Variants in ELP1 observed in about 807,000 individuals in gnomAD.
ELP1 encodes elongator complex protein 1.
A neutral mutation model predicts 183.2 loss-of-function variants in ELP1; 131 were observed. That is an observed-to-expected ratio of 0.72 (90% confidence interval 0.62 to 0.83). The LOEUF (loss-of-function observed/expected upper bound fraction) is 0.83, where lower values mean the gene tolerates loss of function less well. ELP1 is among the 40% of genes least tolerant of loss of function. ELP1 has a pLI of 0.00. For synonymous variants in ELP1, 555 were observed against 569.0 expected, an observed-to-expected ratio of 0.98 and a Z score of 0.35; for missense variants, 1,550 against 1,594.9, an observed-to-expected ratio of 0.97 and a Z score of 0.48.
chr9:108,917,051 G>A (rs538084806), intron 9 of ELP1, among the ~76,000 whole-genome samples: 5 of 152,236 alleles, frequency 3.3e-5, no homozygotes, highest in Admixed American at 6.5e-5. Context: ...GGGGACAAAT[G>A]CTATTATTTG....
intron 28 of ELP1, 88 bp downstream of exon 28, chr9:108,891,115 C>T: frequency 1.6e-6 from 2 of 1,238,566 alleles, no homozygotes; most frequent in Non-Finnish European, 2.4e-6. Flanking sequence ...GAGTATTCTG[C>T]CCTAAATTTA....
chr9:108,906,167 C>T (rs1377512827), intron 14 of ELP1, 136 bp downstream of exon 14: 2 of 804,730 alleles, frequency 2.5e-6, no homozygotes, highest in Admixed American at 2.1e-5. Context: ...ACTTAACCTT[C>T]TTGTTAAGTG....
At position 108,927,377 on chromosome 9, in the gene ELP1, G is replaced by A; in HGVS notation, c.380C>T (p.Ala127Val). The change falls in exon 4 of 37, where the codon GCC (alanine) becomes GTC (valine). Residue 127 changes from alanine to valine, a missense_variant. Ala to Val is a moderately conservative substitution (Grantham distance 64). Transcript: ENST00000374647. ...GGCACCAGTAACAAGCTTACCTGTGGCAAGAAGCACCAGCTCTTGGTCAGG... is the reference window on the plus strand; with the variant it reads ...GGCACCAGTAACAAGCTTACCTGTGACAAGAAGCACCAGCTCTTGGTCAGG... The part of the protein sequence containing the change: ...WSPDQELVLL[A>V]TGQQTLIMMT... 6.2e-7 allele frequency: 1 copy of A among 1,612,522 alleles called. No individual in the cohort carries two copies. Among genetic ancestry groups the A allele is most frequent in the Non-Finnish European group, 8.5e-7 (1 of 1,178,604 alleles).
chr9:108,891,999 C>G (rs1353351361), intron 27 of ELP1, among the ~76,000 whole-genome samples: 2 of 152,064 alleles, frequency 1.3e-5, no homozygotes, highest in Admixed American at 1.3e-4. Flanking sequence ...AAAACAAGGG[C>G]AAAGAGGTAG....
rs1247446952 is a variant in ELP1, at chr9:108,917,616, A to G, written c.795T>C (p.Ile265=). 4.3e-6 allele frequency: 7 copies of G among 1,613,982 alleles called. No individual in the cohort carries two copies. The African/African-American group carries it at 5.3e-5, about 12-fold the overall frequency. ...STQDKPNQQD[I]VFFEKNGLLH... Reference sequence around the variant, plus strand: ...GGAGTCCATTTTTCTCAAAAAACACAATATCCTGCTGGTTGGGTTTATCTT... The same window carrying G: ...GGAGTCCATTTTTCTCAAAAAACACGATATCCTGCTGGTTGGGTTTATCTT... Residue 265 remains isoleucine (I), a synonymous_variant, in exon 9 of 37, where the codon ATT becomes ATC. Transcript: ENST00000374647.
chr9:108,901,593 T>A (rs1242422502), intron 17 of ELP1, 35 bp downstream of exon 17: 1 of 1,613,200 alleles, frequency 6.2e-7, no homozygotes, highest in Non-Finnish European at 8.5e-7. Flanking sequence ...GCTAACACTG[T>A]GAAAAGGATC....
rs751137747 is a variant in ELP1 at position 108,930,582 on chromosome 9, C to T, written c.150+415G>A. Among the ~76,000 whole-genome samples the T allele has an allele frequency of 7.3e-5, 11 of 149,662 alleles. No homozygotes were observed. The East Asian group carries it at 1.4e-3, about 19-fold the overall frequency. On this transcript the variant is annotated intron_variant, in intron 2 of 36. Coordinates refer to ENST00000374647, the MANE Select transcript of ELP1 (RefSeq NM_003640.5). ...GCGGGCGCCTGTAGTCCCAGCTTCT[C>T]GGGAGGCTGAGGCAGGAGAATGGTG...
At chr9:108,923,040 C>T in intron 5 of ELP1, 113 bp from the exon 6 acceptor site, 2 of 812,036 alleles carry the variant, frequency 2.5e-6, no homozygotes, top group Non-Finnish European at 4.3e-6. Flanking sequence ...CCTCTAACGC[C>T]TCTCAATAAA....
At chr9:108,874,446 C>T (rs1827617170) in intron 36 of ELP1, among the ~76,000 whole-genome samples, 1 of 152,162 alleles carries the variant, frequency 6.6e-6, no homozygotes, top group African/African-American at 2.4e-5. Context: ...GATTTGCCTT[C>T]AAATTATATT....
At chr9:108,920,052 C>G (rs1017391927) in intron 6 of ELP1, among the ~76,000 whole-genome samples, 7 of 152,198 alleles carry the variant, frequency 4.6e-5, no homozygotes, top group Non-Finnish European at 1.5e-5. Flanking sequence ...TGAAACTGTC[C>G]TAGGGTATAG....
chr9:108,928,476 C>G (rs754587544), intron 3 of ELP1, among the ~76,000 whole-genome samples: 2 of 151,944 alleles, frequency 1.3e-5, no homozygotes, highest in African/African-American at 2.4e-5. Context: ...AAAGAGAGAC[C>G]AGGAAGAAAA....
At chr9:108,920,327 G>A (rs78916917) in intron 6 of ELP1, among the ~76,000 whole-genome samples, 2,674 of 150,108 alleles carry the variant, frequency 0.018, 30 homozygotes, top group Non-Finnish European at 0.025. Context: ...TATGGCCCAG[G>A]CTGGAGTGCA....
At chr9:108,908,947 T>C (rs1829113122) in intron 12 of ELP1, among the ~76,000 whole-genome samples, 1 of 152,280 alleles carries the variant, frequency 6.6e-6, no homozygotes, top group Non-Finnish European at 1.5e-5. Context: ...CACCCTGGCC[T>C]CCTGGCTATT....
intron 8 of ELP1, among the ~76,000 whole-genome samples, chr9:108,918,559 G>C (rs994857099): frequency 1.1e-4 from 17 of 151,954 alleles, no homozygotes; most frequent in African/African-American, 3.1e-4. Context: ...AGTTAGGAAT[G>C]CAAAATATAT....
intron 36 of ELP1, among the ~76,000 whole-genome samples, chr9:108,874,587 G>T (rs2118923980): frequency 6.6e-6 from 1 of 152,330 alleles, no homozygotes; most frequent in South Asian, 2.1e-4. Flanking sequence ...ATATGTAAAT[G>T]TAGACAGTTT....
rs527899181 is a variant in ELP1 at position 108,923,015 on chromosome 9, G to A, written c.467-88C>T. 4.1e-5 allele frequency: 40 copies of A among 965,584 alleles called. No homozygotes were observed. The East Asian group carries it at 9.3e-4, about 22-fold the overall frequency. The allele number at this position is 965,584 out of a possible 1,614,324, so 59.8% of individuals were successfully genotyped here. A position where few individuals can be genotyped will look rare whatever the true frequency, so the allele number is the denominator to read the frequency against. Reference sequence around the variant, plus strand: ...GCTATTCTTCATGAAGTTAGTCATTGGCAATTACTCAGGTCCTCTAACGCC... The same window carrying A: ...GCTATTCTTCATGAAGTTAGTCATTAGCAATTACTCAGGTCCTCTAACGCC... On this transcript the variant is annotated intron_variant, in intron 5 of 36. Coordinates refer to ENST00000374647, the MANE Select transcript of ELP1 (RefSeq NM_003640.5).
rs1829201783 is a variant in ELP1, at chr9:108,911,091, C to T, written c.1279G>A (p.Val427Ile). Reference sequence around the variant, plus strand: ...TTTTGAGGGTGTGCTAAGAATGTGACTTGATTCACAGGGTGTGGGAACAGC... The same window carrying T: ...TTTTGAGGGTGTGCTAAGAATGTGATTTGATTCACAGGGTGTGGGAACAGC... ...QLLFPHPVNQ[V>I]TFLAHPQKSN... is the part of the protein sequence containing the mutation. Residue 427 changes from valine (V) to isoleucine (I), a missense_variant, in exon 12 of 37, where the codon GTC becomes ATC. Transcript: ENST00000374647. The T allele has an allele frequency of 1.2e-6, 2 of 1,613,988 alleles. No homozygotes were observed. The highest frequency in any genetic ancestry group is 8.5e-7 in the Non-Finnish European group (1 of 1,179,988).
intron 10 of ELP1, among the ~76,000 whole-genome samples, chr9:108,915,071 C>T (rs548411647): frequency 1.9e-4 from 29 of 152,302 alleles, no homozygotes; most frequent in Middle Eastern, 6.8e-3. Flanking sequence ...TATTTTCTAA[C>T]ATTTTCAAGT....
intron 6 of ELP1, among the ~76,000 whole-genome samples, chr9:108,921,755 A>G (rs1032462282): frequency 3.3e-5 from 5 of 152,246 alleles, no homozygotes; most frequent in African/African-American, 1.2e-4. Flanking sequence ...AATAGCTTTC[A>G]GAATGTTAAA....
Sources: allele counts gnomAD v4.1 joint callset (sites outside exome capture counted in the v4.1 genomes callset), GRCh38; gene constraint gnomAD v4.1.1; transcripts MANE v1.5; gene names NCBI Gene and HGNC (gene_info 2026-07-23, HGNC 2026-07-21).